The following DLC1 variants were observed in gnomAD, a reference collection of about 807,000 sequenced individuals.
The protein encoded by DLC1 is DLC1 Rho GTPase activating protein.
A neutral mutation model predicts 140.3 loss-of-function variants in DLC1; 54 were observed. The observed-to-expected ratio is 0.38, with a 90% confidence interval of 0.31 to 0.48. DLC1 has a LOEUF of 0.48. Ranked by LOEUF, DLC1 falls within the 20% of genes least tolerant of loss-of-function variation. The pLI is 0.96. For missense variants in DLC1, 2,536 were observed against 1,907.0 expected, an observed-to-expected ratio of 1.33 and a Z score of -6.14; for synonymous variants, 986 against 728.1, an observed-to-expected ratio of 1.35 and a Z score of -5.70.
intron 5 of DLC1, among the ~76,000 whole-genome samples, chr8:13,190,455 C>G (rs995157523): frequency 6.6e-6 from 1 of 152,194 alleles, no homozygotes; most frequent in Non-Finnish European, 1.5e-5. Flanking sequence ...ACAGTATTCT[C>G]TCTCTCTCTT....
chr8:13,220,980 G>A (rs781267978), intron 5 of DLC1, among the ~76,000 whole-genome samples: 1 of 152,152 alleles, frequency 6.6e-6, no homozygotes, highest in African/African-American at 2.4e-5. Flanking sequence ...ACGTATGAGG[G>A]TGTTAGGTGA....
At chr8:13,348,334 G>A (rs1834464699) in intron 4 of DLC1, among the ~76,000 whole-genome samples, 1 of 152,154 alleles carries the variant, frequency 6.6e-6, no homozygotes, top group Non-Finnish European at 1.5e-5. Flanking sequence ...AACTAAACTA[G>A]TGATATAGGC....
intron 4 of DLC1, among the ~76,000 whole-genome samples, chr8:13,389,435 G>A (rs1450567916): frequency 3.9e-5 from 6 of 152,082 alleles, no homozygotes; most frequent in Non-Finnish European, 5.9e-5. Flanking sequence ...AGTACGAAAG[G>A]CATTGTGAGA....
chr8:13,281,224 A>G (rs1403643045), intron 5 of DLC1, among the ~76,000 whole-genome samples: 2 of 152,214 alleles, frequency 1.3e-5, no homozygotes, highest in African/African-American at 2.4e-5. Context: ...TTTACTTGTT[A>G]ATCTGCTTCT....
At chr8:13,581,819 C>T (rs1032975443) in intron 1 of DLC1, among the ~76,000 whole-genome samples, 16 of 152,180 alleles carry the variant, frequency 1.1e-4, no homozygotes, top group Non-Finnish European at 2.1e-4. Context: ...CTCTCTCCCT[C>T]GCTTCTCCTC....
At chr8:13,590,062 CAT>C (rs1554549055) in intron 1 of DLC1, among the ~76,000 whole-genome samples, 8 of 121,248 alleles carry the variant, frequency 6.6e-5, no homozygotes, top group Non-Finnish European at 5.3e-5. Flanking sequence ...ACTCAACATG[CAT>C]ATATATATAT....
rs183084155 is a variant in DLC1 at position 13,571,475 on chromosome 8, T to G, written c.-126+33062A>C. Among the ~76,000 whole-genome samples, 418 of 152,364 alleles carry G rather than the reference T, an allele frequency of 2.7e-3. 2 individuals are homozygous for G. The highest frequency in any genetic ancestry group is 4.3e-3 in the Non-Finnish European group (293 of 68,044). On this transcript the variant is annotated intron_variant, in intron 1 of 1. Transcript: ENST00000631382. Reference sequence around the variant, plus strand: ...GTGCAATCATGCAGTCTTTGTCATTTTGTGTCTGGCTTAGTGTCGAGGTTC... The same window carrying G: ...GTGCAATCATGCAGTCTTTGTCATTGTGTGTCTGGCTTAGTGTCGAGGTTC...
At position 13,099,687 on chromosome 8, in the gene DLC1, C is replaced by G; in HGVS notation, c.2650G>C (p.Gly884Arg). 6.2e-7 allele frequency: 1 copy of G among 1,614,158 alleles called. No homozygotes were observed. The highest frequency in any genetic ancestry group is 8.5e-7 in the Non-Finnish European group (1 of 1,180,022). ...SRLSIYDNVP[G>R]SILYSSSGDL... ...CCTGAACTGGAGTAGAGGATGGAGC[C>G]CGGCACGTTGTCGTAGATGCTCAGG... The change falls in exon 9 of 18, where the codon GGC (glycine) becomes CGC (arginine). Residue 884 changes from glycine (G) to arginine (R), a missense_variant. Transcript: ENST00000276297.
At chr8:13,218,987 T>C (rs369328126) in intron 5 of DLC1, among the ~76,000 whole-genome samples, 1 of 52,236 alleles carries the variant, frequency 1.9e-5, no homozygotes, top group African/African-American at 1.1e-4. Context: ...TATAACTATA[T>C]AATTATATAC....
rs529069290 is a variant in DLC1 at position 13,430,312 on chromosome 8, C to A, written c.1024-28693G>T. 3.3e-5 allele frequency among the ~76,000 whole-genome samples: 5 copies of A among 151,926 alleles called. 2 individuals are homozygous for A. Among genetic ancestry groups the A allele is most frequent in the African/African-American group, 1.2e-4 (5 of 41,428 alleles). On this transcript the variant is annotated intron_variant, in intron 2 of 17. Coordinates refer to ENST00000276297, the MANE Select transcript of DLC1 (RefSeq NM_182643.3). ...ATTAGTGGCCTTTGAGAAACAAAGG[C>A]CTTTGAAAAAAATCAAATAGATCCT...
intron 4 of DLC1, among the ~76,000 whole-genome samples, chr8:13,333,987 G>A (rs11991619): frequency 0.01 from 1,595 of 152,220 alleles, 28 homozygotes; most frequent in African/African-American, 0.036. Context: ...CCTTCCAGTG[G>A]GGAAGATTGC....
intron 4 of DLC1, among the ~76,000 whole-genome samples, chr8:13,347,325 AT>A (rs779316658): frequency 1.4e-3 from 206 of 152,354 alleles, no homozygotes; most frequent in Non-Finnish European, 2.5e-3. Context: ...ATGGTGATGA[AT>A]AAAGTTTTAT....
At chr8:13,390,247 C>T (rs1466286936) in intron 4 of DLC1, among the ~76,000 whole-genome samples, 1 of 152,036 alleles carries the variant, frequency 6.6e-6, no homozygotes, top group East Asian at 1.9e-4. Flanking sequence ...GAATGATTCC[C>T]CTCAAAACAA....
At position 13,099,893 on chromosome 8, in the gene DLC1, G is replaced by C. The variant is rs761280048; in HGVS notation, c.2444C>G (p.Pro815Arg). 1.2e-6 allele frequency: 2 copies of C among 1,614,188 alleles called. No homozygotes were observed. The highest frequency in any genetic ancestry group is 2.2e-5 in the South Asian group (2 of 91,086). ...TVFYIPEDHK[P>R]GTFPKALTNG... is the part of the protein sequence containing the mutation. Reference sequence around the variant, plus strand: ...GGTGAGAGCTTTGGGGAAAGTGCCAGGCTTGTGATCTTCAGGGATGTAGAA... The same window carrying C: ...GGTGAGAGCTTTGGGGAAAGTGCCACGCTTGTGATCTTCAGGGATGTAGAA... Residue 815 changes from proline (P) to arginine (R), a missense_variant, in exon 9 of 18, where the codon CCT becomes CGT. Transcript: ENST00000276297.
At chr8:13,275,290 A>C (rs1831114614) in intron 5 of DLC1, among the ~76,000 whole-genome samples, 2 of 152,228 alleles carry the variant, frequency 1.3e-5, no homozygotes, top group Admixed American at 6.5e-5. Flanking sequence ...CAGGACAATT[A>C]TGTGAAAATC....
intron 2 of DLC1, among the ~76,000 whole-genome samples, chr8:13,439,945 A>C (rs1798415862): frequency 6.6e-6 from 1 of 152,140 alleles, no homozygotes; most frequent in South Asian, 2.1e-4. Context: ...TCCTTAGAGC[A>C]TCTTCCCAGC....
rs978888910 is a variant in DLC1, at chr8:13,084,298, T to A, written c.*1513A>T. 6.6e-6 allele frequency: 1 copy of A among 152,596 alleles called. No homozygotes were observed. Among genetic ancestry groups the A allele is most frequent in the Admixed American group, 6.6e-5 (1 of 15,262 alleles). The allele number at this position is 152,596 out of a possible 1,614,324, so 9.5% of individuals were successfully genotyped here. ...ATACTCAAATTTTAAAACTCTAATC[T>A]GATGCCCTGCCCCAAAATTCTTCAA... On this transcript the variant is annotated 3_prime_UTR_variant, in exon 18 of 18. Transcript: ENST00000276297.
At chr8:13,429,353 G>A (rs1042567306) in intron 2 of DLC1, among the ~76,000 whole-genome samples, 2 of 152,176 alleles carry the variant, frequency 1.3e-5, no homozygotes, top group Non-Finnish European at 2.9e-5. Context: ...AGGATAAACT[G>A]TTGAGTTTTA....
intron 1 of DLC1, among the ~76,000 whole-genome samples, chr8:13,532,835 C>G (rs1240858883): frequency 6.6e-6 from 1 of 152,154 alleles, no homozygotes; most frequent in African/African-American, 2.4e-5. Context: ...ACCCTCATCC[C>G]CCCATCTCTA....
Sources: gnomAD v4.1 joint callset for allele counts (sites outside exome capture counted in the v4.1 genomes callset) on GRCh38, gnomAD v4.1.1 for gene constraint, MANE v1.5 for transcripts, NCBI Gene and HGNC (gene_info 2026-07-23, HGNC 2026-07-21) for gene names.